The following SASH1 variants were observed in gnomAD, a reference collection of about 807,000 sequenced individuals.
SASH1 encodes the protein SAM and SH3 domain-containing protein 1.
A neutral mutation model predicts 125.2 loss-of-function variants in SASH1; 44 were observed. That is an observed-to-expected ratio of 0.35 (90% confidence interval 0.28 to 0.45). The LOEUF (loss-of-function observed/expected upper bound fraction) is 0.45, where lower values mean the gene tolerates loss of function less well. SASH1 is among the 20% of genes least tolerant of loss of function. The probability of loss-of-function intolerance (pLI) is 1.00; values close to 1 mark genes in which losing one functional copy is unlikely to be tolerated. For synonymous variants in SASH1, 639 were observed against 649.1 expected, an observed-to-expected ratio of 0.98 and a Z score of 0.24; for missense variants, 1,426 against 1,614.5, an observed-to-expected ratio of 0.88 and a Z score of 2.00.
chr6:148,520,078 G>A, intron 10 of SASH1, 185 bp downstream of exon 10: 1 of 582,620 alleles, frequency 1.7e-6, no homozygotes, highest in Non-Finnish European at 3.0e-6. Flanking sequence ...AGCACCACCT[G>A]TGACCTGCAG....
Position 148,468,809 on chromosome 6 carries a change from A to G in SASH1, c.427+224A>G, listed in dbSNP as rs2115113001. ...TTATAGTTTTTAACTTGAATATGTT[A>G]TGAGCATTTTCCCATGACTGAATAT... On this transcript the variant is annotated intron_variant, in intron 5 of 19. Transcript: ENST00000367467. 3 of 428,820 alleles carry G rather than the reference A, an allele frequency of 7.0e-6. No homozygotes were observed. In the South Asian group the frequency reaches 1.4e-4, roughly 20 times the overall value. The allele number at this position is 428,820 out of a possible 1,614,324, so 26.6% of individuals were successfully genotyped here.
chr6:148,396,505 A>C (rs1012186186), intron 2 of SASH1, among the ~76,000 whole-genome samples: 1 of 138,946 alleles, frequency 7.2e-6, no homozygotes, highest in African/African-American at 2.8e-5. Context: ...AAAAAAAAAG[A>C]AAGAAAGAGA....
rs1562411489 is a variant in SASH1 at position 148,440,247 on chromosome 6, A to AC, written c.336+14dup. The AC allele has an allele frequency of 6.2e-7, 1 of 1,612,264 alleles. No individual in the cohort carries two copies. The highest frequency in any genetic ancestry group is 1.7e-5 in the Admixed American group (1 of 59,758). The stretch of plus-strand genomic sequence containing the variant: ...GTCCCAGATCGAAGTAAGCACAATG[A>AC]CTTTAATCATCTAGTTTTGCTTCTG... On this transcript the variant is annotated intron_variant, in intron 3 of 19. Coordinates refer to ENST00000367467, the MANE Select transcript of SASH1 (RefSeq NM_015278.5).
intron 4 of SASH1, among the ~76,000 whole-genome samples, chr6:148,455,917 C>T (rs77252602): frequency 9.7e-4 from 147 of 151,932 alleles, no homozygotes; most frequent in African/African-American, 3.2e-3. Flanking sequence ...CCAGCCTTGG[C>T]CTTCAGTGCT....
chr6:148,218,903 G>A, the SASH1 span, among the ~76,000 whole-genome samples: 2 of 152,172 alleles, frequency 1.3e-5, no homozygotes, highest in South Asian at 4.1e-4. Context: ...TATAAACTCT[G>A]AAATATCCCT....
At chr6:148,200,760 G>C in the SASH1 span, among the ~76,000 whole-genome samples, 1 of 152,204 alleles carries the variant, frequency 6.6e-6, no homozygotes, top group African/African-American at 2.4e-5. Flanking sequence ...AGATTTTACA[G>C]GGCATTTACA....
chr6:148,326,376 ATTCTT>A (rs71004287), intron 1 of SASH1, among the ~76,000 whole-genome samples: 457 of 38,266 alleles, frequency 0.012, 9 homozygotes, highest in African/African-American at 0.023. Context: ...ATATATATAC[ATTCTT>A]TTCTTTTCTT....
chr6:148,271,741 T>G (rs539670649), upstream of SASH1, among the ~76,000 whole-genome samples: 1 of 152,320 alleles, frequency 6.6e-6, no homozygotes, highest in Non-Finnish European at 1.5e-5. Flanking sequence ...TACAGTCCAT[T>G]GATGAACACT....
At chr6:148,377,251 A>G (rs1406979324) in intron 1 of SASH1, among the ~76,000 whole-genome samples, 2 of 152,118 alleles carry the variant, frequency 1.3e-5, no homozygotes, top group Non-Finnish European at 2.9e-5. Flanking sequence ...ATGAAACTCA[A>G]ACCTGTGGAG....
chr6:148,549,514 G>T lies in SASH1; in HGVS notation c.*956G>T. On this transcript the variant is annotated 3_prime_UTR_variant, in exon 20 of 20. Coordinates refer to ENST00000367467, the MANE Select transcript of SASH1 (RefSeq NM_015278.5). ...ATCGTCGCGCTGCAGTATTGACTTG[G>T]AATCCTGACCATGTCCATCCCAAAA... 2.5e-6 allele frequency: 1 copy of T among 396,668 alleles called. No individual in the cohort carries two copies. Among genetic ancestry groups the T allele is most frequent in the South Asian group, 1.3e-4 (1 of 7,730 alleles). The allele number at this position is 396,668 out of a possible 1,614,324, so 24.6% of individuals were successfully genotyped here.
At chr6:148,214,749 G>T in the SASH1 span, among the ~76,000 whole-genome samples, 2 of 152,086 alleles carry the variant, frequency 1.3e-5, no homozygotes, top group Admixed American at 6.6e-5. Flanking sequence ...ATGAGGGAGC[G>T]GGGAGGAAAG....
In SASH1 at chr6:148,509,794, A is replaced by G. The variant is rs555779287; in HGVS notation, c.730-4530A>G. 8.5e-5 allele frequency among the ~76,000 whole-genome samples: 13 copies of G among 152,336 alleles called. No individual in the cohort carries two copies. The South Asian group carries it at 2.5e-3, about 29-fold the overall frequency. On this transcript the variant is annotated intron_variant, in intron 8 of 19. Transcript: ENST00000367467. The stretch of plus-strand genomic sequence containing the variant: ...GGCACACAAATGTTTGTACTCACAG[A>G]TGCTATTCATTTTGTTCCTTTTTTC...
At chr6:148,435,047 G>T (rs1371929404) in intron 2 of SASH1, among the ~76,000 whole-genome samples, 2 of 151,860 alleles carry the variant, frequency 1.3e-5, no homozygotes, top group Non-Finnish European at 2.9e-5. Context: ...CTATTGGAGG[G>T]GGTGAGGAAA....
At chr6:148,377,169 CAAA>C (rs59339599) in intron 1 of SASH1, among the ~76,000 whole-genome samples, 2 of 94,218 alleles carry the variant, frequency 2.1e-5, no homozygotes, top group Non-Finnish European at 4.0e-5. Context: ...GACTCCGTCT[CAAA>C]AAAAAAAAAA....
chr6:148,327,399 C>T (rs1187234706), intron 1 of SASH1, among the ~76,000 whole-genome samples: 1 of 151,626 alleles, frequency 6.6e-6, no homozygotes, highest in Non-Finnish European at 1.5e-5. Flanking sequence ...ATTCTCCTGC[C>T]TCAGCCTCCC....
At position 148,544,478 on chromosome 6, in the gene SASH1, T is replaced by C. The variant is rs1232202762; in HGVS notation, c.3008T>C (p.Val1003Ala). The change falls in exon 18 of 20, where the codon GTT (valine) becomes GCT (alanine). Residue 1003 changes from valine (V) to alanine (A), a missense_variant. By Grantham distance (64) the Val-to-Ala change is moderately conservative. This residue lies in a region of SASH1 where 634 missense variants were observed against 694.4 expected (regional missense o/e 0.91). Coordinates refer to ENST00000367467, the MANE Select transcript of SASH1 (RefSeq NM_015278.5). This position sits in a 1 kb window ranked among gnomAD's most constrained non-coding sequence, Gnocchi z 6.4. Reference protein sequence around the residue: ...RERLANGLHPVPMGPSGALPS... With the variant: ...RERLANGLHPAPMGPSGALPS... The stretch of plus-strand genomic sequence containing the variant: ...CGCCTTGCTAACGGACTCCACCCTG[T>C]TCCCATGGGCCCCAGTGGGGCCCTC... The C allele has an allele frequency of 1.2e-6, 2 of 1,614,008 alleles. No homozygotes were observed. Among genetic ancestry groups the C allele is most frequent in the African/African-American group, 1.3e-5 (1 of 75,040 alleles).
intron 1 of SASH1, among the ~76,000 whole-genome samples, chr6:148,295,281 G>A (rs1253161664): frequency 6.6e-6 from 1 of 152,114 alleles, no homozygotes; most frequent in Non-Finnish European, 1.5e-5. Flanking sequence ...TCATTACAGA[G>A]GCATTTTCAG....
the SASH1 span, among the ~76,000 whole-genome samples, chr6:148,204,030 A>G: frequency 1.3e-5 from 2 of 152,136 alleles, no homozygotes; most frequent in Admixed American, 1.3e-4. Flanking sequence ...ATTGCCGGGA[A>G]TTTTTGCTGC....
Position 148,342,978 on chromosome 6 carries a change from G to C in SASH1, c.-90G>C. The stretch of plus-strand genomic sequence containing the variant: ...GGCGCGGCTCGGTGACGCCGCGGGC[G>C]GGGACCCGGCATCCGGGCAGGCTGC... On this transcript the variant is annotated 5_prime_UTR_variant, in exon 1 of 20. Transcript: ENST00000367467. 2.0e-6 allele frequency: 2 copies of C among 1,010,312 alleles called. No individual in the cohort carries two copies. The highest frequency in any genetic ancestry group is 2.4e-6 in the Non-Finnish European group (2 of 845,000). The allele number at this position is 1,010,312 out of a possible 1,614,324, so 62.6% of individuals were successfully genotyped here. A position where few individuals can be genotyped will look rare whatever the true frequency, so the allele number is the denominator to read the frequency against.
Sources: gnomAD v4.1 joint callset for allele counts (sites outside exome capture counted in the v4.1 genomes callset) on GRCh38, gnomAD v4.1.1 for gene constraint, gnomAD v4.1.1 regional missense constraint, Gnocchi (gnomAD v3.1) non-coding constraint, MANE v1.5 for transcripts, NCBI Gene and HGNC (gene_info 2026-07-23, HGNC 2026-07-21) for gene names.